Variants in ZNF705G observed in about 807,000 individuals in gnomAD.
The protein encoded by ZNF705G is zinc finger protein 705G.
In ZNF705G, 23 loss-of-function variants were observed where a neutral mutation model predicts 19.6. The observed-to-expected ratio is 1.17, with a 90% CI of 0.84 to 1.66. The LOEUF (loss-of-function observed/expected upper bound fraction) is 1.66, where lower values mean the gene tolerates loss of function less well. Ranked by LOEUF, ZNF705G falls within the 40% of genes most tolerant of loss-of-function variation. The pLI, the probability that ZNF705G is intolerant of heterozygous loss-of-function variation, is 0.00. For synonymous variants in ZNF705G, 146 were observed against 117.7 expected (o/e 1.24, Z -1.56); for missense variants, 457 against 354.4 (o/e 1.29, Z -2.32).
rs10097913 is a variant in ZNF705G, at chr8:7,364,906, T to A, written c.-71-1889A>T. 4.7e-5 allele frequency among the ~76,000 whole-genome samples: 7 copies of A among 148,816 alleles called. 1 individual carries two copies. The East Asian group carries it at 5.8e-4, about 12-fold the overall frequency. On this transcript the variant is annotated intron_variant, in intron 2 of 6. Coordinates refer to ENST00000400156, the MANE Select transcript of ZNF705G (RefSeq NM_001164457.3). The stretch of plus-strand genomic sequence containing the variant: ...AAAAAATAAGATATTAGAGAATGCC[T>A]ACAAAGCTTCAGTGAAACCAGCTGT...
chr8:7,385,312 C>A (rs1807677741), intron 1 of ZNF705G, among the ~76,000 whole-genome samples, 186 bp downstream of exon 1: 1 of 148,346 alleles, frequency 6.7e-6, no homozygotes, highest in Admixed American at 6.6e-5. Context: ...AACACTCATA[C>A]CACAGCAAAT....
chr8:7,360,961 G>C (rs1430819931), intron 4 of ZNF705G, 149 bp downstream of exon 4: 2 of 1,415,092 alleles, frequency 1.4e-6, no homozygotes, highest in Non-Finnish European at 1.9e-6. Context: ...ATTTCAGATA[G>C]ATTTAGAGAG....
At position 7,358,190 on chromosome 8, in the gene ZNF705G, C is replaced by T. The variant is rs1806374814; in HGVS notation, c.689G>A (p.Cys230Tyr). Residue 230 changes from cysteine to tyrosine, a missense_variant, in exon 7 of 7, where the codon TGT (cysteine) becomes TAT (tyrosine). Cys to Tyr is a radical substitution (Grantham distance 194). Transcript: ENST00000400156. ...AATAAAGACTTTCCCATATTGATGA[C>T]ACTTATATGGTCTCTGTCCCGTGTG... ...KTHTGQRPYK[C>Y]HQYGKVFIQS... is the part of the protein sequence containing the mutation. 2 of 1,607,494 alleles carry T rather than the reference C, an allele frequency of 1.2e-6. No individual in the cohort carries two copies. Among genetic ancestry groups the T allele is most frequent in the Admixed American group, 1.7e-5 (1 of 59,920 alleles).
At chr8:7,364,410 C>T (rs1806760840) in intron 2 of ZNF705G, among the ~76,000 whole-genome samples, 1 of 149,792 alleles carries the variant, frequency 6.7e-6, no homozygotes, top group East Asian at 1.9e-4. Context: ...ATTGTGCTTA[C>T]AGATGTACAT....
At chr8:7,362,023 T>C (rs1447651980) in intron 3 of ZNF705G, among the ~76,000 whole-genome samples, 1 of 149,570 alleles carries the variant, frequency 6.7e-6, no homozygotes, top group Non-Finnish European at 1.5e-5. Context: ...TATGAAGCTT[T>C]CTGTTCTCAA....
intron 5 of ZNF705G, 143 bp from the exon 6 acceptor site, chr8:7,359,844 G>C: frequency 7.8e-7 from 1 of 1,283,594 alleles, no homozygotes. Context: ...TTGAATAGAA[G>C]AAATAGATTG....
chr8:7,363,099 A>C, intron 2 of ZNF705G, 82 bp from the exon 3 acceptor site: 1 of 1,552,928 alleles, frequency 6.4e-7, no homozygotes. Context: ...CCAGACTTTC[A>C]CTGAAGTGTG....
intron 1 of ZNF705G, among the ~76,000 whole-genome samples, chr8:7,382,409 T>G (rs1286704276): frequency 7.5e-6 from 1 of 134,166 alleles, no homozygotes; most frequent in Non-Finnish European, 1.5e-5. Context: ...GTTTGGTGCC[T>G]TTTTTCCCCA....
chr8:7,358,581 G>C, intron 6 of ZNF705G, 21 bp from the exon 7 acceptor site: 2 of 1,606,636 alleles, frequency 1.2e-6, no homozygotes, highest in Non-Finnish European at 1.7e-6. Context: ...AATATTAAAA[G>C]CTCTTAATGG....
intron 3 of ZNF705G, among the ~76,000 whole-genome samples, chr8:7,362,172 C>T (rs564501561): frequency 4.7e-5 from 7 of 149,524 alleles, no homozygotes; most frequent in African/African-American, 1.8e-4. Context: ...TCCACAGAAC[C>T]CTAAATTGTA....
In ZNF705G at chr8:7,365,375, A is replaced by ATTT. The variant is rs71253679; in HGVS notation, c.-71-2361_-71-2359dup. On this transcript the variant is annotated intron_variant, in intron 2 of 6. Transcript: ENST00000400156. ...TATCTCCCTCCAGATGTCTCTCTCT[A>ATTT]TTTTTTTTTTTTTTTTTTTTTTGGC... Among the ~76,000 whole-genome samples the ATTT allele has an allele frequency of 1.2e-3, 139 of 112,002 alleles. 3 individuals are homozygous for ATTT. The highest frequency in any genetic ancestry group is 0.01 in the South Asian group (37 of 3,566). The allele number at this position is 112,002 out of a possible 152,430, so 73.5% of individuals were successfully genotyped here. A position where few individuals can be genotyped will look rare whatever the true frequency, so the allele number is the denominator to read the frequency against.
intron 2 of ZNF705G, among the ~76,000 whole-genome samples, chr8:7,366,282 T>C (rs1221349401): frequency 1.3e-5 from 2 of 149,212 alleles, no homozygotes; most frequent in Non-Finnish European, 2.9e-5. Context: ...AGTTCAGGAA[T>C]GGTGAAAGTG....
rs376835224 is a variant in ZNF705G, at chr8:7,379,062, TG to T, written c.-72+2389del. On this transcript the variant is annotated intron_variant, in intron 2 of 6. Coordinates refer to ENST00000400156, the MANE Select transcript of ZNF705G (RefSeq NM_001164457.3). ...TTCTCATTCATAGAGTTTTCTTTTT[TG>T]TGTAAAGTAGTGGGGGGCCTCCCCT... Among the ~76,000 whole-genome samples, 835 of 150,648 alleles carry T rather than the reference TG, an allele frequency of 5.5e-3. 3 individuals carry two copies. Among genetic ancestry groups the T allele is most frequent in the Middle Eastern group, 0.01 (3 of 294 alleles).
In ZNF705G at chr8:7,358,465, A is replaced by G. The variant is rs746952069; in HGVS notation, c.414T>C (p.His138=). ...SSTITQCLLT[H]SGKKPYVSKQ... ...TGCTGACATAGGGTTTCTTTCCACTATGAGTTAACAAACACTGAGTTATTG... is the reference window on the plus strand; with the variant it reads ...TGCTGACATAGGGTTTCTTTCCACTGTGAGTTAACAAACACTGAGTTATTG... The change falls in exon 7 of 7, where the codon CAT becomes CAC. Residue 138 remains histidine, a synonymous_variant. Transcript: ENST00000400156. 58 of 1,607,486 alleles carry G rather than the reference A, an allele frequency of 3.6e-5. 3 individuals are homozygous for G. The highest frequency in any genetic ancestry group is 1.4e-4 in the African/African-American group (10 of 71,208).
chr8:7,380,613 C>T (rs1410094511), intron 2 of ZNF705G, among the ~76,000 whole-genome samples: 2 of 146,864 alleles, frequency 1.4e-5, no homozygotes, highest in East Asian at 3.9e-4. Context: ...GGTGTCTGCA[C>T]ATGCCATCTG....
intron 3 of ZNF705G, among the ~76,000 whole-genome samples, chr8:7,361,699 TAA>T (rs1806607565): frequency 6.7e-6 from 1 of 149,662 alleles, no homozygotes. Flanking sequence ...ATCAAATGGT[TAA>T]AAGACCTATG....
intron 2 of ZNF705G, among the ~76,000 whole-genome samples, chr8:7,363,998 G>A (rs1806730401): frequency 6.7e-6 from 1 of 149,392 alleles, no homozygotes; most frequent in Non-Finnish European, 1.5e-5. Context: ...CCTCTAGGAT[G>A]CTCAGAAAAT....
chr8:7,358,312 C>T lies in ZNF705G; in HGVS notation c.567G>A (p.Arg189=), dbSNP rs555396401. The T allele has an allele frequency of 1.8e-4, 286 of 1,607,622 alleles. 1 individual carries two copies. In the East Asian group the frequency reaches 5.2e-3, roughly 29 times the overall value. Residue 189 remains arginine, a synonymous_variant, in exon 7 of 7, where the codon CGG becomes CGA. Coordinates refer to ENST00000400156, the MANE Select transcript of ZNF705G (RefSeq NM_001164457.3). ...TCTCTCCAGTGTGAGTCATCTTGTGCCGTCTAAGGTGAAAGCAATTAGTAT... is the reference window on the plus strand; with the variant it reads ...TCTCTCCAGTGTGAGTCATCTTGTGTCGTCTAAGGTGAAAGCAATTAGTAT... The part of the protein sequence containing the change: ...KAYTNCFHLR[R]HKMTHTGERP...
rs1295842750 is a variant in ZNF705G at position 7,360,218 on chromosome 8, A to C, written c.235+19T>G. 4 of 1,591,402 alleles carry C rather than the reference A, an allele frequency of 2.5e-6. No individual in the cohort carries two copies. The highest frequency in any genetic ancestry group is 3.4e-6 in the Non-Finnish European group (4 of 1,178,630). On this transcript the variant is annotated intron_variant, in intron 5 of 6. Coordinates refer to ENST00000400156, the MANE Select transcript of ZNF705G (RefSeq NM_001164457.3). ...ACAAAGCACCTCCTCCTATTAGAGC[A>C]CAGGACCCTGTTGCTTACTTGGATT... is the stretch of plus-strand genomic sequence containing the variant.
Sources: gnomAD v4.1 joint callset for allele counts (sites outside exome capture counted in the v4.1 genomes callset) on GRCh38, gnomAD v4.1.1 for gene constraint, MANE v1.5 for transcripts, NCBI Gene and HGNC (gene_info 2026-07-23, HGNC 2026-07-21) for gene names.